CUBN: variants seen among roughly 807,000 people sequenced by gnomAD.
The protein encoded by CUBN is cubilin.
In CUBN, 282 loss-of-function variants were observed where a neutral mutation model predicts 405.3. That is an observed-to-expected ratio of 0.70 (90% confidence interval 0.63 to 0.77). CUBN has a LOEUF of 0.77. Ranked by LOEUF, CUBN falls within the 30% of genes least tolerant of loss-of-function variation. The probability of loss-of-function intolerance (pLI) is 0.00; values close to 1 mark genes in which losing one functional copy is unlikely to be tolerated. For synonymous variants in CUBN, 1,684 were observed against 1,617.0 expected (o/e 1.04, Z -0.99); for missense variants, 4,514 against 4,475.2 (o/e 1.01, Z -0.25).
intron 59 of CUBN, among the ~76,000 whole-genome samples, chr10:16,862,806 C>T (rs77988761): frequency 1.9e-3 from 294 of 152,284 alleles, no homozygotes; most frequent in African/African-American, 6.7e-3. Flanking sequence ...AACTAGGTCG[C>T]GTCTTGTGTT....
intron 22 of CUBN, among the ~76,000 whole-genome samples, chr10:17,052,256 C>G (rs1428413617): frequency 1.3e-5 from 2 of 152,114 alleles, no homozygotes; most frequent in Non-Finnish European, 2.9e-5. Flanking sequence ...TAATTTGTCA[C>G]TGGAAGACTT....
intron 60 of CUBN, among the ~76,000 whole-genome samples, chr10:16,847,028 C>T (rs1200626525): frequency 2.0e-5 from 3 of 152,076 alleles, no homozygotes; most frequent in Non-Finnish European, 2.9e-5. Flanking sequence ...CCATCACCCT[C>T]TAGAAAGCCT....
At chr10:16,940,564 C>G (rs1468769252) in intron 36 of CUBN, among the ~76,000 whole-genome samples, 1 of 152,106 alleles carries the variant, frequency 6.6e-6, no homozygotes, top group Non-Finnish European at 1.5e-5. Context: ...AATTGCAAAG[C>G]AGAGGCATCA....
At chr10:17,092,428 T>C (rs146186395) in intron 14 of CUBN, among the ~76,000 whole-genome samples, 3 of 152,248 alleles carry the variant, frequency 2.0e-5, no homozygotes, top group Middle Eastern at 3.4e-3. Context: ...TGAGACCTAC[T>C]AGACTGCATT....
chr10:17,112,248 T>C (rs1458218252), intron 8 of CUBN, among the ~76,000 whole-genome samples: 1 of 152,146 alleles, frequency 6.6e-6, no homozygotes, highest in Non-Finnish European at 1.5e-5. Context: ...AATTATCATA[T>C]TTGTGCATGG....
chr10:16,881,662 C>T (rs1194165939), intron 56 of CUBN, among the ~76,000 whole-genome samples: 1 of 152,178 alleles, frequency 6.6e-6, no homozygotes, highest in Admixed American at 6.5e-5. Flanking sequence ...TTAAAACATT[C>T]TTGTATCCTT....
At position 17,129,191 on chromosome 10, in the gene CUBN, A is replaced by G; in HGVS notation, c.182T>C (p.Ile61Thr). ...LVFLTGSAQN[I>T]EFRTGSLGKI... ...TCCCAGGGATCCGGTTCTAAACTCA[A>G]TGTTTTGAGCAGACCCCGTAAGAAA... Residue 61 changes from isoleucine (I) to threonine (T), a missense_variant, in exon 2 of 67, where the codon ATT becomes ACT. Transcript: ENST00000377833. 6.2e-7 allele frequency: 1 copy of G among 1,613,470 alleles called. No individual in the cohort carries two copies. The highest frequency in any genetic ancestry group is 8.5e-7 in the Non-Finnish European group (1 of 1,179,436).
At chr10:16,863,732 T>C (rs1033698309) in intron 59 of CUBN, among the ~76,000 whole-genome samples, 8 of 152,188 alleles carry the variant, frequency 5.3e-5, no homozygotes, top group Non-Finnish European at 8.8e-5. Flanking sequence ...GTTGTGACCA[T>C]GTTTTCCATC....
At chr10:16,830,806 A>T (rs1216669137) in intron 65 of CUBN, among the ~76,000 whole-genome samples, 2 of 152,178 alleles carry the variant, frequency 1.3e-5, no homozygotes, top group Admixed American at 1.3e-4. Flanking sequence ...TAAAATTTAA[A>T]GTAATCTGGC....
chr10:16,990,634 C>A, intron 28 of CUBN, 119 bp from the exon 29 acceptor site: 1 of 756,330 alleles, frequency 1.3e-6, no homozygotes, highest in Non-Finnish European at 2.2e-6. Flanking sequence ...AGGAGAAAAC[C>A]GTTAAGTTAC....
At chr10:16,987,935 A>G (rs950950439) in intron 29 of CUBN, among the ~76,000 whole-genome samples, 1 of 152,202 alleles carries the variant, frequency 6.6e-6, no homozygotes, top group African/African-American at 2.4e-5. Flanking sequence ...TTGGTGGAAC[A>G]CGGGAGGCCA....
At chr10:16,869,986 T>C (rs1840304487) in intron 58 of CUBN, 133 bp from the exon 59 acceptor site, 3 of 730,028 alleles carry the variant, frequency 4.1e-6, no homozygotes, top group Non-Finnish European at 7.4e-6. Flanking sequence ...ATATGAAATA[T>C]TAGAAATCAA....
intron 36 of CUBN, among the ~76,000 whole-genome samples, chr10:16,943,888 C>T (rs1842717805): frequency 1.3e-5 from 2 of 152,134 alleles, no homozygotes; most frequent in African/African-American, 4.8e-5. Context: ...TTCCGTTGGA[C>T]ATGGTGGTAG....
chr10:16,893,218 C>G (rs1841083733), intron 54 of CUBN, among the ~76,000 whole-genome samples: 1 of 152,140 alleles, frequency 6.6e-6, no homozygotes, highest in African/African-American at 2.4e-5. Flanking sequence ...CAAATGTTTA[C>G]AGACATAATT....
intron 36 of CUBN, among the ~76,000 whole-genome samples, chr10:16,945,732 A>T (rs1343149487): frequency 2.9e-5 from 4 of 138,846 alleles, no homozygotes; most frequent in Non-Finnish European, 4.5e-5. Context: ...ACTCCATTGC[A>T]CTCCAGCCTG....
At chr10:17,026,739 G>C (rs1424575127) in intron 27 of CUBN, among the ~76,000 whole-genome samples, 1 of 152,182 alleles carries the variant, frequency 6.6e-6, no homozygotes, top group East Asian at 1.9e-4. Context: ...AATCATGGTG[G>C]ATAAATGAGG....
At chr10:16,979,712 A>C (rs906397973) in intron 31 of CUBN, among the ~76,000 whole-genome samples, 1 of 152,230 alleles carries the variant, frequency 6.6e-6, no homozygotes. Flanking sequence ...TAAAGACTTA[A>C]ATGTAAAACC....
intron 3 of CUBN, among the ~76,000 whole-genome samples, chr10:17,127,289 A>C: frequency 2.7e-5 from 3 of 112,408 alleles, no homozygotes; most frequent in African/African-American, 3.4e-5. Context: ...TTTTTCTGGC[A>C]AGGTCCCACT....
chr10:16,824,668 C>A lies in CUBN; in HGVS notation c.*307G>T, dbSNP rs1347692326. 2.9e-6 allele frequency: 1 copy of A among 350,458 alleles called. No individual in the cohort carries two copies. Among genetic ancestry groups the A allele is most frequent in the East Asian group, 7.3e-5 (1 of 13,724 alleles). 21.7% of individuals were successfully genotyped at this position (350,458 alleles called of 1,614,324 possible). Reference sequence around the variant, plus strand: ...CTCGAGTGGCTGGAATTACAGGCACCCACCACCACGCCTGGCTAATTATTA... The same window carrying A: ...CTCGAGTGGCTGGAATTACAGGCACACACCACCACGCCTGGCTAATTATTA... On this transcript the variant is annotated 3_prime_UTR_variant, in exon 67 of 67. Coordinates refer to ENST00000377833, the MANE Select transcript of CUBN (RefSeq NM_001081.4).
Sources: gnomAD v4.1 joint callset for allele counts (sites outside exome capture counted in the v4.1 genomes callset) on GRCh38, gnomAD v4.1.1 for gene constraint, MANE v1.5 for transcripts, NCBI Gene and HGNC (gene_info 2026-07-23, HGNC 2026-07-21) for gene names.